Variants in JAM3 observed in about 807,000 individuals in gnomAD.
The protein encoded by JAM3 is junctional adhesion molecule 3, also known as junctional adhesion molecule C.
Under a neutral mutation model 39.4 loss-of-function variants are expected in JAM3, and 31 were observed. The observed-to-expected ratio is 0.79, with a 90% CI of 0.59 to 1.06. JAM3 has a LOEUF of 1.06. JAM3 is among the 50% of genes least tolerant of loss of function. JAM3 has a pLI of 0.00. For synonymous variants in JAM3, 182 were observed against 148.7 expected (o/e 1.22, Z -1.63); for missense variants, 455 against 391.4 (o/e 1.16, Z -1.37).
In JAM3 at chr11:134,149,199, A is replaced by C. The variant is rs779517428; in HGVS notation, c.*18A>C. On this transcript the variant is annotated 3_prime_UTR_variant, in exon 9 of 9. Coordinates refer to ENST00000299106, the MANE Select transcript of JAM3 (RefSeq NM_032801.5). ...TGATCTGAGACCCGCGGTGTGGCTG[A>C]GAGCGCACAGAGCGCACGTGCACAT... 2 of 1,613,928 alleles carry C rather than the reference A, an allele frequency of 1.2e-6. No individual in the cohort carries two copies. Among genetic ancestry groups the C allele is most frequent in the South Asian group, 2.2e-5 (2 of 91,060 alleles).
At chr11:134,087,197 AATG>A (rs1941758770) in intron 1 of JAM3, among the ~76,000 whole-genome samples, 2 of 151,952 alleles carry the variant, frequency 1.3e-5, no homozygotes, top group African/African-American at 4.8e-5. Flanking sequence ...GAAGTATTAC[AATG>A]AAGGAGATAC....
intron 1 of JAM3, among the ~76,000 whole-genome samples, chr11:134,129,651 A>G (rs961211252): frequency 1.3e-5 from 2 of 152,216 alleles, no homozygotes; most frequent in African/African-American, 2.4e-5. Context: ...AAGAAGGGTA[A>G]GTTTTTAAAT....
intron 1 of JAM3, among the ~76,000 whole-genome samples, chr11:134,074,547 G>A (rs978211510): frequency 3.3e-5 from 5 of 152,170 alleles, no homozygotes; most frequent in African/African-American, 7.2e-5. Context: ...GAGATTAGTT[G>A]CCACTGACTT....
intron 1 of JAM3, among the ~76,000 whole-genome samples, chr11:134,133,829 C>T (rs1222699080): frequency 2.0e-5 from 3 of 152,096 alleles, no homozygotes; most frequent in Non-Finnish European, 4.4e-5. Context: ...AGTTTATTTT[C>T]CTGGGTAATC....
intron 1 of JAM3, among the ~76,000 whole-genome samples, chr11:134,133,327 A>T (rs1942803253): frequency 6.6e-6 from 1 of 152,138 alleles, no homozygotes; most frequent in Admixed American, 6.5e-5. Flanking sequence ...TTCCAATATC[A>T]TGTTGAATAG....
chr11:134,149,063 T>G, intron 8 of JAM3, 83 bp from the exon 9 acceptor site: 1 of 1,486,152 alleles, frequency 6.7e-7, no homozygotes, highest in African/African-American at 1.4e-5. Context: ...CATCTGTATT[T>G]AGCCCATGTT....
intron 1 of JAM3, among the ~76,000 whole-genome samples, chr11:134,102,781 GA>G (rs1200976079): frequency 1.3e-5 from 2 of 152,070 alleles, no homozygotes; most frequent in Non-Finnish European, 2.9e-5. Flanking sequence ...AAGATCAAAT[GA>G]ATGAAATGAA....
intron 1 of JAM3, among the ~76,000 whole-genome samples, chr11:134,127,567 G>A (rs1177934360): frequency 6.6e-6 from 1 of 152,190 alleles, no homozygotes; most frequent in Non-Finnish European, 1.5e-5. Flanking sequence ...GGACGTGGTG[G>A]CACATGTCTG....
chr11:134,144,715 A>T lies in JAM3; in HGVS notation c.410-77A>T, dbSNP rs1943039024. The T allele has an allele frequency of 2.1e-5, 27 of 1,315,916 alleles. 1 individual carries two copies. In the South Asian group the frequency reaches 3.1e-4, roughly 15 times the overall value. 81.5% of individuals were successfully genotyped at this position (1,315,916 alleles called of 1,614,324 possible). On this transcript the variant is annotated intron_variant, in intron 4 of 8. Transcript: ENST00000299106. Reference sequence around the variant, plus strand: ...CCTCGACTGGCTGTCTTGTCTTTGGAGCTGATTTCTTCTGGGCTTTAATAA... The same window carrying T: ...CCTCGACTGGCTGTCTTGTCTTTGGTGCTGATTTCTTCTGGGCTTTAATAA...
intron 6 of JAM3, among the ~76,000 whole-genome samples, 194 bp downstream of exon 6, chr11:134,146,239 T>C (rs1301979614): frequency 6.6e-6 from 1 of 152,182 alleles, no homozygotes. Flanking sequence ...AAGCAGGTCC[T>C]CAAAACAAAA....
chr11:134,125,059 T>C (rs1015311405), intron 1 of JAM3, among the ~76,000 whole-genome samples: 1 of 152,194 alleles, frequency 6.6e-6, no homozygotes, highest in Non-Finnish European at 1.5e-5. Flanking sequence ...TCTGTCTTGC[T>C]GCTGCTCCTG....
intron 1 of JAM3, among the ~76,000 whole-genome samples, chr11:134,073,916 G>C (rs191948821): frequency 6.6e-6 from 1 of 152,192 alleles, no homozygotes; most frequent in Non-Finnish European, 1.5e-5. Context: ...AGTGGCCCTA[G>C]GAACTTCTGG....
chr11:134,095,194 A>T (rs1211968985), intron 1 of JAM3, among the ~76,000 whole-genome samples: 1 of 152,258 alleles, frequency 6.6e-6, no homozygotes, highest in Non-Finnish European at 1.5e-5. Flanking sequence ...CACTTACTGA[A>T]AATAGGTTTT....
chr11:134,109,514 T>TA (rs1273144854), intron 1 of JAM3, among the ~76,000 whole-genome samples: 2 of 152,242 alleles, frequency 1.3e-5, no homozygotes, highest in Non-Finnish European at 2.9e-5. Context: ...TCCATTTACT[T>TA]ATCAACTATG....
At chr11:134,124,892 C>T (rs1409704934) in intron 1 of JAM3, among the ~76,000 whole-genome samples, 17 of 152,362 alleles carry the variant, frequency 1.1e-4, no homozygotes, top group East Asian at 1.9e-4. Context: ...TATATTCCAA[C>T]GAAAAACGCT....
intron 1 of JAM3, among the ~76,000 whole-genome samples, chr11:134,122,079 T>G (rs907150520): frequency 8.5e-5 from 13 of 152,260 alleles, no homozygotes; most frequent in African/African-American, 3.1e-4. Flanking sequence ...AGCATTATTT[T>G]GTTTTGTTTT....
chr11:134,110,055 A>T (rs553933258), intron 1 of JAM3, among the ~76,000 whole-genome samples: 25 of 152,328 alleles, frequency 1.6e-4, no homozygotes, highest in Admixed American at 1.6e-3. Flanking sequence ...TAAATACAAG[A>T]TGCTTAACCT....
chr11:134,101,464 G>A (rs1942072078), intron 1 of JAM3, among the ~76,000 whole-genome samples: 1 of 152,186 alleles, frequency 6.6e-6, no homozygotes, highest in Non-Finnish European at 1.5e-5. Context: ...TCCTAGTGGA[G>A]AGAACACAGA....
At chr11:134,094,123 C>T (rs1941929286) in intron 1 of JAM3, among the ~76,000 whole-genome samples, 1 of 144,400 alleles carries the variant, frequency 6.9e-6, no homozygotes, top group African/African-American at 2.6e-5. Context: ...CCTGAACCCT[C>T]CTTATTCATC....
Sources: gnomAD v4.1 joint callset for allele counts (sites outside exome capture counted in the v4.1 genomes callset) on GRCh38, gnomAD v4.1.1 for gene constraint, MANE v1.5 for transcripts, NCBI Gene and HGNC (gene_info 2026-07-23, HGNC 2026-07-21) for gene names.